Variants in TLCD4 observed in about 807,000 individuals in gnomAD.
TLCD4 encodes the protein TLC domain-containing protein 4.
A neutral mutation model predicts 24.2 loss-of-function variants in TLCD4; 7 were observed. That is an observed-to-expected ratio of 0.29 (90% CI 0.16 to 0.54). The LOEUF (loss-of-function observed/expected upper bound fraction) is 0.54, where lower values mean the gene tolerates loss of function less well. TLCD4 is among the 20% of genes least tolerant of loss of function. The pLI is 0.95. For synonymous variants in TLCD4, 103 were observed against 106.4 expected (o/e 0.97, Z 0.20); for missense variants, 259 against 313.9 (o/e 0.82, Z 1.32).
At position 95,124,154 on chromosome 1, in the gene TLCD4, A is replaced by AT. The variant is rs1365865914; in HGVS notation, c.-12+6543dup. On this transcript the variant is annotated intron_variant, in intron 1 of 6. Coordinates refer to ENST00000370203, the MANE Select transcript of TLCD4 (RefSeq NM_152487.3). ...CCCTTTGTTTCAAACAGGATTTGGGATTTTTTACAAAGATGCATATGATAT... is the reference window on the plus strand; with the variant it reads ...CCCTTTGTTTCAAACAGGATTTGGGATTTTTTTACAAAGATGCATATGATAT... 6.6e-5 allele frequency among the ~76,000 whole-genome samples: 10 copies of AT among 152,228 alleles called. No homozygotes were observed. In the East Asian group the frequency reaches 1.9e-3, roughly 29 times the overall value.
chr1:95,176,410 C>T (rs776502559), intron 6 of TLCD4, among the ~76,000 whole-genome samples: 34 of 151,960 alleles, frequency 2.2e-4, no homozygotes, highest in Non-Finnish European at 3.4e-4. Context: ...AGGCTGGTCT[C>T]GAACTCTTGA....
At chr1:95,111,246 C>G in the TLCD4 span, among the ~76,000 whole-genome samples, 1 of 151,314 alleles carries the variant, frequency 6.6e-6, no homozygotes, top group East Asian at 1.9e-4. Context: ...GTGAGCTATG[C>G]TCATACCACT....
intron 1 of TLCD4, among the ~76,000 whole-genome samples, chr1:95,136,095 C>G (rs1677034081): frequency 6.6e-6 from 1 of 151,842 alleles, no homozygotes; most frequent in South Asian, 2.1e-4. Context: ...CATTACTCAG[C>G]CTCTTAGCTC....
At chr1:95,106,403 T>C in the TLCD4 span, among the ~76,000 whole-genome samples, 3 of 152,188 alleles carry the variant, frequency 2.0e-5, no homozygotes, top group Non-Finnish European at 4.4e-5. Flanking sequence ...TTGTTTTCTT[T>C]TTAAAATCAA....
chr1:95,144,598 T>G (rs1046111451), intron 2 of TLCD4, among the ~76,000 whole-genome samples: 2 of 151,822 alleles, frequency 1.3e-5, no homozygotes, highest in Non-Finnish European at 2.9e-5. Flanking sequence ...CTTTTTAGTT[T>G]TTTTTTTTTA....
intron 1 of TLCD4, among the ~76,000 whole-genome samples, chr1:95,141,531 C>T (rs183213659): frequency 2.0e-5 from 3 of 152,076 alleles, no homozygotes; most frequent in Admixed American, 1.3e-4. Flanking sequence ...ATTTTGTGTC[C>T]ATCTGGCCTC....
At chr1:95,164,098 G>T (rs970301692) in intron 5 of TLCD4, 1 of 152,434 alleles carries the variant, frequency 6.6e-6, no homozygotes, top group African/African-American at 2.4e-5. Flanking sequence ...TGCCCCCAGA[G>T]GTGGAGTCTA....
intron 1 of TLCD4, chr1:95,125,699 C>T (rs1240848550): frequency 6.6e-6 from 1 of 152,154 alleles, no homozygotes; most frequent in Admixed American, 6.5e-5. Flanking sequence ...ACCAAATTAT[C>T]CGGTCAGATC....
At chr1:95,148,084 G>A (rs950366727) in intron 2 of TLCD4, among the ~76,000 whole-genome samples, 2 of 152,090 alleles carry the variant, frequency 1.3e-5, no homozygotes, top group Non-Finnish European at 2.9e-5. Context: ...ATTTAGAAAT[G>A]TTTTCATAAT....
chr1:95,157,221 A>G (rs1677657318), intron 5 of TLCD4, among the ~76,000 whole-genome samples: 1 of 152,176 alleles, frequency 6.6e-6, no homozygotes, highest in Admixed American at 6.5e-5. Flanking sequence ...TTATTTACTT[A>G]CTTAACATTT....
At chr1:95,162,697 G>A (rs1481643878) in intron 5 of TLCD4, among the ~76,000 whole-genome samples, 1 of 151,724 alleles carries the variant, frequency 6.6e-6, no homozygotes, top group Non-Finnish European at 1.5e-5. Context: ...GGCAGGCGTG[G>A]TGGTGACAGA....
chr1:95,160,298 T>C lies in TLCD4; in HGVS notation c.399+8879T>C, dbSNP rs1443865340. Among the ~76,000 whole-genome samples the C allele has an allele frequency of 3.9e-5, 6 of 152,276 alleles. No homozygotes were observed. In the East Asian group the frequency reaches 9.6e-4, roughly 24 times the overall value. On this transcript the variant is annotated intron_variant, in intron 5 of 6. Coordinates refer to ENST00000370203, the MANE Select transcript of TLCD4 (RefSeq NM_152487.3). ...GAATGTGAGTTCACTCATGATTTGG[T>C]TCTCTGTTTGTCTGTTATTGGTGTA...
chr1:95,113,043 CTT>C (rs1054737210), upstream of TLCD4, among the ~76,000 whole-genome samples: 27 of 136,684 alleles, frequency 2.0e-4, no homozygotes, highest in Admixed American at 2.2e-4. Context: ...TCTTTTCTTT[CTT>C]TTTTTTTTTT....
intron 6 of TLCD4, among the ~76,000 whole-genome samples, chr1:95,175,097 TAC>T (rs1336519144): frequency 6.6e-6 from 1 of 152,198 alleles, no homozygotes; most frequent in Non-Finnish European, 1.5e-5. Flanking sequence ...TTTTTAAGAA[TAC>T]AGTTCAGTTG....
upstream of TLCD4, among the ~76,000 whole-genome samples, chr1:95,115,532 C>G (rs1438193555): frequency 6.6e-6 from 1 of 152,236 alleles, no homozygotes; most frequent in Middle Eastern, 3.2e-3. Context: ...CAACATTCAA[C>G]TACTATTTAC....
intron 1 of TLCD4, among the ~76,000 whole-genome samples, chr1:95,140,237 G>C (rs1677161183): frequency 6.6e-6 from 1 of 152,290 alleles, no homozygotes; most frequent in African/African-American, 2.4e-5. Flanking sequence ...AATTGTATGT[G>C]CTAGACTTTT....
At chr1:95,143,810 C>T in intron 1 of TLCD4, 81 bp from the exon 2 acceptor site, 2 of 1,226,804 alleles carry the variant, frequency 1.6e-6, no homozygotes, top group Non-Finnish European at 2.1e-6. Context: ...ACTAAAATTA[C>T]AAGACATATT....
chr1:95,160,297 G>T (rs1231871130), intron 5 of TLCD4, among the ~76,000 whole-genome samples: 1 of 152,106 alleles, frequency 6.6e-6, no homozygotes, highest in Non-Finnish European at 1.5e-5. Flanking sequence ...TCATGATTTG[G>T]TTCTCTGTTT....
chr1:95,101,329 C>A, the TLCD4 span, among the ~76,000 whole-genome samples: 1 of 152,028 alleles, frequency 6.6e-6, no homozygotes, highest in Non-Finnish European at 1.5e-5. Flanking sequence ...TCATAGCTCA[C>A]TGCAGTCTGA....
Sources: allele counts gnomAD v4.1 joint callset (sites outside exome capture counted in the v4.1 genomes callset), GRCh38; gene constraint gnomAD v4.1.1; transcripts MANE v1.5; gene names NCBI Gene and HGNC (gene_info 2026-07-23, HGNC 2026-07-21).